Variants in ADAMTSL1 observed in about 807,000 individuals in gnomAD.
ADAMTSL1 encodes the protein ADAMTS-like protein 1.
A neutral mutation model predicts 201.8 loss-of-function variants in ADAMTSL1; 126 were observed. The ratio of observed to expected loss-of-function variants is 0.62; its 90% CI spans 0.54 to 0.72. ADAMTSL1 has a LOEUF of 0.72. Among genes scored for constraint, ADAMTSL1 ranks in the 30% least tolerant of loss-of-function variants. The pLI is 0.00. For synonymous variants in ADAMTSL1, 1,121 were observed against 903.4 expected (o/e 1.24, Z -4.32); for missense variants, 2,679 against 2,277.8 (o/e 1.18, Z -3.59).
Position 18,381,768 on chromosome 9 carries a change from C to G in ADAMTSL1, c.208-123061C>G, listed in dbSNP as rs1192989732. ...TTAAAACTATGTATCACCGAGAACC[C>G]ATTTGGAGCAGGAGAGGGGGGATTA... is the stretch of plus-strand genomic sequence containing the variant. On this transcript the variant is annotated intron_variant, in intron 2 of 29. Coordinates refer to the ADAMTSL1 transcript ENST00000680146. Among the ~76,000 whole-genome samples the G allele has an allele frequency of 2.6e-5, 4 of 151,842 alleles. 1 individual carries two copies. The highest frequency in any genetic ancestry group is 5.9e-5 in the Non-Finnish European group (4 of 67,974).
chr9:18,269,052 A>G (rs971807588), intron 2 of ADAMTSL1, among the ~76,000 whole-genome samples: 2 of 152,136 alleles, frequency 1.3e-5, no homozygotes, highest in South Asian at 4.1e-4. Context: ...TACACAGTCT[A>G]TATTATCACA....
chr9:18,225,309 G>A (rs984987851), intron 2 of ADAMTSL1, among the ~76,000 whole-genome samples: 3 of 152,116 alleles, frequency 2.0e-5, no homozygotes, highest in African/African-American at 7.2e-5. Context: ...GATTGTTAGT[G>A]TAGTTTAACA....
At position 18,653,107 on chromosome 9, in the gene ADAMTSL1, ACTGC is replaced by A. The variant is rs1828399319; in HGVS notation, c.835-4531_835-4528del. Among the ~76,000 whole-genome samples the A allele has an allele frequency of 1.1e-4, 16 of 152,302 alleles. No individual in the cohort carries two copies. In the South Asian group the frequency reaches 3.3e-3, roughly 32 times the overall value. On this transcript the variant is annotated intron_variant, in intron 7 of 28. Coordinates refer to ENST00000380548, the MANE Select transcript of ADAMTSL1 (RefSeq NM_001040272.6). Reference sequence around the variant, plus strand: ...TTTAGAACTGAGCTAATCAGAATATACTGCATTTCTTGTTAGATTTCACACATTA... The same window carrying A: ...TTTAGAACTGAGCTAATCAGAATATAATTTCTTGTTAGATTTCACACATTA...
At chr9:18,296,169 CT>C (rs1190069724) in intron 2 of ADAMTSL1, among the ~76,000 whole-genome samples, 1 of 152,076 alleles carries the variant, frequency 6.6e-6, no homozygotes, top group Non-Finnish European at 1.5e-5. Context: ...ATGAAACATT[CT>C]AAAGACAACT....
At chr9:18,257,824 A>T (rs890187070) in intron 2 of ADAMTSL1, among the ~76,000 whole-genome samples, 14 of 152,238 alleles carry the variant, frequency 9.2e-5, no homozygotes, top group Admixed American at 2.6e-4. Context: ...AATGATTCTG[A>T]TAGAGTTATA....
intron 5 of ADAMTSL1, among the ~76,000 whole-genome samples, chr9:18,626,789 A>G (rs180745460): frequency 6.7e-6 from 1 of 149,068 alleles, no homozygotes; most frequent in African/African-American, 2.4e-5. Context: ...TCATAGATAT[A>G]CTGCACCTGT....
At chr9:18,615,691 T>C (rs1825660845) in intron 4 of ADAMTSL1, among the ~76,000 whole-genome samples, 1 of 152,314 alleles carries the variant, frequency 6.6e-6, no homozygotes, top group South Asian at 2.1e-4. Flanking sequence ...TTAAGTTAAA[T>C]AATGTCTATG....
chr9:18,227,640 T>C (rs1253911128), intron 2 of ADAMTSL1, among the ~76,000 whole-genome samples: 1 of 152,160 alleles, frequency 6.6e-6, no homozygotes, highest in East Asian at 1.9e-4. Flanking sequence ...TATGTCTTTT[T>C]CACAAAGGCT....
intron 1 of ADAMTSL1, among the ~76,000 whole-genome samples, chr9:18,100,006 ATTC>A (rs1310198736): frequency 7.2e-5 from 11 of 152,044 alleles, no homozygotes; most frequent in African/African-American, 2.7e-4. Flanking sequence ...TGATATAATT[ATTC>A]TTCTTAATTT....
At chr9:18,721,786 G>C in intron 15 of ADAMTSL1, 121 bp downstream of exon 15, 1 of 1,418,626 alleles carries the variant, frequency 7.0e-7, no homozygotes, top group Non-Finnish European at 9.4e-7. Context: ...ATTAGCATCA[G>C]TTCAAACTTT....
Position 18,549,156 on chromosome 9 carries a change from C to T in ADAMTSL1, c.237+15864C>T, listed in dbSNP as rs568516377. Among the ~76,000 whole-genome samples the T allele has an allele frequency of 5.3e-5, 8 of 151,958 alleles. No homozygotes were observed. The South Asian group carries it at 1.0e-3, about 20-fold the overall frequency. On this transcript the variant is annotated intron_variant, in intron 3 of 28. Coordinates refer to ENST00000380548, the MANE Select transcript of ADAMTSL1 (RefSeq NM_001040272.6). ...AACAGGAAAAATAAAAATACATAAC[C>T]AGACATATCATGGTCAAACATCAGA... is the stretch of plus-strand genomic sequence containing the variant.
At chr9:18,487,003 C>A (rs1412371745) in intron 1 of ADAMTSL1, among the ~76,000 whole-genome samples, 1 of 152,058 alleles carries the variant, frequency 6.6e-6, no homozygotes, top group Non-Finnish European at 1.5e-5. Context: ...CGTGAAGTTC[C>A]CTTTGAAAAC....
At chr9:18,428,358 G>A (rs533814842) in intron 2 of ADAMTSL1, among the ~76,000 whole-genome samples, 1 of 149,406 alleles carries the variant, frequency 6.7e-6, no homozygotes, top group African/African-American at 2.5e-5. Context: ...AGCACCTTGT[G>A]AGTCCAAGGT....
At chr9:18,632,356 G>A (rs764557698) in intron 5 of ADAMTSL1, among the ~76,000 whole-genome samples, 4 of 152,194 alleles carry the variant, frequency 2.6e-5, no homozygotes, top group Non-Finnish European at 5.9e-5. Flanking sequence ...TAAATTAAGA[G>A]TACTGTTCCT....
chr9:18,816,033 T>C (rs886895594), intron 20 of ADAMTSL1, among the ~76,000 whole-genome samples: 1 of 152,146 alleles, frequency 6.6e-6, no homozygotes, highest in Non-Finnish European at 1.5e-5. Context: ...CCTAGATATT[T>C]TGAAATATAC....
intron 4 of ADAMTSL1, among the ~76,000 whole-genome samples, chr9:18,597,090 A>T (rs775099824): frequency 2.6e-5 from 4 of 152,254 alleles, no homozygotes; most frequent in Non-Finnish European, 5.9e-5. Flanking sequence ...TATGTTGCTC[A>T]ATATGACTGC....
At chr9:17,973,691 A>G (rs1818316949) in intron 1 of ADAMTSL1, among the ~76,000 whole-genome samples, 1 of 119,540 alleles carries the variant, frequency 8.4e-6, no homozygotes, top group African/African-American at 2.9e-5. Context: ...GTTTTTTCCA[A>G]TTCTGTGAAG....
At chr9:18,276,795 A>G (rs996523197) in intron 2 of ADAMTSL1, among the ~76,000 whole-genome samples, 4 of 152,184 alleles carry the variant, frequency 2.6e-5, no homozygotes, top group African/African-American at 9.6e-5. Context: ...GAACTCACTC[A>G]TTATGGTGAG....
At chr9:18,639,177 A>T (rs1827286897) in intron 6 of ADAMTSL1, 77 bp from the exon 7 acceptor site, 7 of 1,433,970 alleles carry the variant, frequency 4.9e-6, no homozygotes, top group African/African-American at 1.4e-5. Flanking sequence ...AGCTCTAAAC[A>T]TTGTTGCATG....
Sources: allele counts gnomAD v4.1 joint callset (sites outside exome capture counted in the v4.1 genomes callset), GRCh38; gene constraint gnomAD v4.1.1; transcripts MANE v1.5; gene names NCBI Gene and HGNC (gene_info 2026-07-23, HGNC 2026-07-21).